Variants in CORIN observed in about 807,000 individuals in gnomAD.
CORIN encodes atrial natriuretic peptide-converting enzyme.
A neutral mutation model predicts 125.3 loss-of-function variants in CORIN; 117 were observed. The ratio of observed to expected loss-of-function variants is 0.93; its 90% CI spans 0.80 to 1.09. CORIN has a LOEUF of 1.09. CORIN is among the 50% of genes least tolerant of loss of function. CORIN has a pLI of 0.00. For synonymous variants in CORIN, 450 were observed against 466.4 expected (o/e 0.96, Z 0.45); for missense variants, 1,253 against 1,306.7 (o/e 0.96, Z 0.63).
chr4:47,664,915 A>T (rs1724406902), intron 11 of CORIN, 117 bp downstream of exon 11: 2 of 608,062 alleles, frequency 3.3e-6, no homozygotes. Flanking sequence ...AATATAAAGT[A>T]TTTGATAAAT....
chr4:47,781,019 G>T (rs979776621), intron 3 of CORIN, among the ~76,000 whole-genome samples: 10 of 150,700 alleles, frequency 6.6e-5, no homozygotes, highest in African/African-American at 1.2e-4. Flanking sequence ...AATGAGGGAT[G>T]AAAAAAAGCT....
chr4:47,608,816 T>C (rs142960960), intron 19 of CORIN, among the ~76,000 whole-genome samples: 37 of 152,258 alleles, frequency 2.4e-4, no homozygotes, highest in African/African-American at 7.9e-4. Context: ...AGGCACAATG[T>C]CTCTGGAGGC....
At chr4:47,710,936 T>A (rs1008297474) in intron 5 of CORIN, among the ~76,000 whole-genome samples, 8 of 152,220 alleles carry the variant, frequency 5.3e-5, no homozygotes, top group Non-Finnish European at 1.5e-5. Flanking sequence ...TTTAAGGCAG[T>A]GACAACAGAG....
intron 13 of CORIN, chr4:47,652,713 GA>G (rs1402531447): frequency 6.6e-6 from 1 of 152,136 alleles, no homozygotes; most frequent in East Asian, 1.9e-4. Flanking sequence ...GAAATGTCAA[GA>G]AGAGTTTTAT....
In CORIN at chr4:47,786,932, G is replaced by A. The variant is rs1365330147; in HGVS notation, c.209-7C>T. On this transcript the variant is annotated splice_region_variant and splice_polypyrimidine_tract_variant and intron_variant, in intron 2 of 21. Transcript: ENST00000273857. ...TAGACCTTTTGTAATGTTCCTGAAA[G>A]ACAAAAACAAACACAAAAAAAACCT... 1 of 1,588,514 alleles carries A rather than the reference G, an allele frequency of 6.3e-7. No individual in the cohort carries two copies. The highest frequency in any genetic ancestry group is 1.4e-5 in the African/African-American group (1 of 73,820).
chr4:47,622,632 T>G (rs1047274011), intron 19 of CORIN, among the ~76,000 whole-genome samples: 3 of 152,064 alleles, frequency 2.0e-5, no homozygotes, highest in Non-Finnish European at 4.4e-5. Context: ...GTGTTTTTTG[T>G]CTGCATAAAT....
At chr4:47,599,546 G>A (rs1018847108) in intron 21 of CORIN, among the ~76,000 whole-genome samples, 2 of 151,892 alleles carry the variant, frequency 1.3e-5, no homozygotes, top group African/African-American at 4.8e-5. Flanking sequence ...TCCTTTCCTG[G>A]GAGCCAGTCC....
At chr4:47,669,718 A>G (rs1211712390) in intron 10 of CORIN, among the ~76,000 whole-genome samples, 10 of 151,988 alleles carry the variant, frequency 6.6e-5, no homozygotes, top group South Asian at 6.3e-4. Flanking sequence ...ACAGGTGCCC[A>G]CCACCACGTC....
intron 15 of CORIN, 170 bp downstream of exon 15, chr4:47,642,976 T>C (rs1340529835): frequency 1.3e-6 from 2 of 1,536,892 alleles, no homozygotes; most frequent in South Asian, 2.4e-5. Flanking sequence ...GGGGAAATTT[T>C]CTGTGAGTTG....
chr4:47,660,483 ATAAC>A (rs1374261118), intron 12 of CORIN, among the ~76,000 whole-genome samples: 3 of 152,216 alleles, frequency 2.0e-5, no homozygotes, highest in African/African-American at 7.2e-5. Flanking sequence ...CTATACAAAA[ATAAC>A]TAATAATCTG....
rs760429232 is a variant in CORIN, at chr4:47,600,260, C to T, written c.2900G>A (p.Arg967Gln). Residue 967 changes from arginine (R) to glutamine (Q), a missense_variant, in exon 21 of 22, where the codon CGG (arginine) becomes CAG (glutamine). By Grantham distance (43) the Arg-to-Gln change is conservative. Transcript: ENST00000273857. ...AGACTCATAGCCAGCACATATCATC[C>T]GAGTGGTGATGGTCTTCATGTCAAA... ...SYFDMKTITT[R>Q]MICAGYESGT... 1.1e-5 allele frequency: 18 copies of T among 1,613,550 alleles called. No homozygotes were observed. The highest frequency in any genetic ancestry group is 1.5e-5 in the Non-Finnish European group (18 of 1,179,780).
chr4:47,624,384 T>A (rs916414156), intron 17 of CORIN, among the ~76,000 whole-genome samples: 1 of 152,120 alleles, frequency 6.6e-6, no homozygotes. Flanking sequence ...TTTATGCTTA[T>A]ACAAAGTGGT....
chr4:47,833,409 A>G (rs1733166256), intron 1 of CORIN, among the ~76,000 whole-genome samples: 1 of 152,146 alleles, frequency 6.6e-6, no homozygotes, highest in South Asian at 2.1e-4. Context: ...AAAATGGATT[A>G]AAGACTTAAC....
chr4:47,736,219 C>T (rs550303407), intron 5 of CORIN, among the ~76,000 whole-genome samples: 1 of 152,234 alleles, frequency 6.6e-6, no homozygotes, highest in African/African-American at 2.4e-5. Context: ...CTTCTAGTGG[C>T]TTTTAGCTAT....
Position 47,693,095 on chromosome 4 carries a change from G to C in CORIN, c.800-12C>G, listed in dbSNP as rs1299995894. The C allele has an allele frequency of 1.3e-6, 2 of 1,514,130 alleles. No individual in the cohort carries two copies. Among genetic ancestry groups the C allele is most frequent in the Admixed American group, 1.7e-5 (1 of 59,344 alleles). 93.8% of individuals were successfully genotyped at this position (1,514,130 alleles called of 1,614,324 possible). A position where few individuals can be genotyped will look rare whatever the true frequency, so the allele number is the denominator to read the frequency against. ...CCTTCCACAGAGCACTAAAAAAAAA[G>C]GGCAGGAAATAATGTCAGAATAAGA... is the stretch of plus-strand genomic sequence containing the variant. On this transcript the variant is annotated splice_polypyrimidine_tract_variant and intron_variant, in intron 5 of 21. Transcript: ENST00000273857.
intron 16 of CORIN, among the ~76,000 whole-genome samples, chr4:47,638,392 G>A (rs1049726708): frequency 1.3e-5 from 2 of 152,144 alleles, no homozygotes; most frequent in Non-Finnish European, 2.9e-5. Flanking sequence ...GCCAGGGGCA[G>A]AATGATATGG....
intron 1 of CORIN, among the ~76,000 whole-genome samples, chr4:47,811,744 C>T (rs980364229): frequency 6.6e-6 from 1 of 152,192 alleles, no homozygotes; most frequent in African/African-American, 2.4e-5. Flanking sequence ...GATCAGAAAA[C>T]TAGTCTATGG....
chr4:47,728,613 T>C (rs552695613), intron 5 of CORIN, among the ~76,000 whole-genome samples: 190 of 152,356 alleles, frequency 1.2e-3, no homozygotes, highest in African/African-American at 4.0e-3. Flanking sequence ...TGTGCACTTA[T>C]GATCATACAT....
intron 10 of CORIN, among the ~76,000 whole-genome samples, chr4:47,673,961 A>T (rs1353109876): frequency 1.3e-5 from 2 of 151,516 alleles, no homozygotes; most frequent in Non-Finnish European, 2.9e-5. Context: ...ACAGAGTGAG[A>T]GTGTGTCTCA....
Sources: gnomAD v4.1 joint callset for allele counts (sites outside exome capture counted in the v4.1 genomes callset) on GRCh38, gnomAD v4.1.1 for gene constraint, MANE v1.5 for transcripts, NCBI Gene and HGNC (gene_info 2026-07-23, HGNC 2026-07-21) for gene names.